Variants in NOCT observed in about 807,000 individuals in gnomAD.
NOCT encodes CCR4 carbon catabolite repression 4-like.
Under a neutral mutation model 35.0 loss-of-function variants are expected in NOCT, and 18 were observed. That is an observed-to-expected ratio of 0.51 (90% CI 0.36 to 0.76). The LOEUF is 0.76. Among genes scored for constraint, NOCT ranks in the 30% least tolerant of loss-of-function variants. NOCT has a pLI of 0.01. For synonymous variants in NOCT, 235 were observed against 226.3 expected (o/e 1.04, Z -0.34); for missense variants, 479 against 541.0 (o/e 0.89, Z 1.14).
intron 1 of NOCT, among the ~76,000 whole-genome samples, chr4:139,016,855 A>T (rs1434999797): frequency 6.6e-6 from 1 of 151,144 alleles, no homozygotes; most frequent in Non-Finnish European, 1.5e-5. Context: ...GGGTTTCACC[A>T]TTTTGGCCAG....
Position 139,015,872 on chromosome 4 carries a change from G to A in NOCT, c.-110G>A. The A allele has an allele frequency of 1.1e-6, 1 of 873,280 alleles. No homozygotes were observed. Among genetic ancestry groups the A allele is most frequent in the East Asian group, 3.8e-5 (1 of 26,208 alleles). The allele number at this position is 873,280 out of a possible 1,614,324, so 54.1% of individuals were successfully genotyped here. A position where few individuals can be genotyped will look rare whatever the true frequency, so the allele number is the denominator to read the frequency against. ...CCTGCGCCGCGCGAGAAGGAGCCTG[G>A]GAGCATCCGCCCACACTGCCCGGAC... On this transcript the variant is annotated 5_prime_UTR_variant, in exon 1 of 3. Coordinates refer to ENST00000280614, the MANE Select transcript of NOCT (RefSeq NM_012118.4).
rs375776058 is a variant in NOCT at position 139,045,062 on chromosome 4, G to T, written c.884G>T (p.Arg295Leu). Residue 295 changes from arginine (R) to leucine (L), a missense_variant, in exon 3 of 3, where the codon CGG (arginine) becomes CTG (leucine). This residue lies in a region of NOCT where 214 missense variants were observed against 284.0 expected (regional missense o/e 0.75). Coordinates refer to ENST00000280614, the MANE Select transcript of NOCT (RefSeq NM_012118.4). ...CTAAAAGCACGCACTGGCTGGGAGC[G>T]GTTTCGATCAGCTCAAGGCTGTGAC... Reference protein sequence around the residue: ...THLKARTGWERFRSAQGCDLL... With the variant: ...THLKARTGWELFRSAQGCDLL... 7 of 1,614,192 alleles carry T rather than the reference G, an allele frequency of 4.3e-6. No homozygotes were observed. Among genetic ancestry groups the T allele is most frequent in the Non-Finnish European group, 5.9e-6 (7 of 1,180,038 alleles).
intron 1 of NOCT, among the ~76,000 whole-genome samples, chr4:139,029,609 A>G (rs1726589223): frequency 6.6e-6 from 1 of 152,144 alleles, no homozygotes; most frequent in Non-Finnish European, 1.5e-5. Flanking sequence ...CACTTAGTTT[A>G]TTTTTATTTT....
chr4:139,025,472 A>T (rs1726495900), intron 1 of NOCT, among the ~76,000 whole-genome samples: 1 of 152,250 alleles, frequency 6.6e-6, no homozygotes, highest in South Asian at 2.1e-4. Flanking sequence ...CATTGATGTC[A>T]TGCATCCCTT....
At chr4:139,024,819 G>C (rs2148643067) in intron 1 of NOCT, among the ~76,000 whole-genome samples, 1 of 152,292 alleles carries the variant, frequency 6.6e-6, no homozygotes, top group African/African-American at 2.4e-5. Context: ...GGCCAGGCTG[G>C]TCCCAAACTG....
intron 1 of NOCT, among the ~76,000 whole-genome samples, chr4:139,027,944 A>T (rs992327262): frequency 6.6e-6 from 1 of 152,254 alleles, no homozygotes; most frequent in East Asian, 1.9e-4. Context: ...GGATGCTGCC[A>T]GAGTTAGCTC....
At chr4:139,019,758 A>G (rs1347836772) in intron 1 of NOCT, among the ~76,000 whole-genome samples, 2 of 152,262 alleles carry the variant, frequency 1.3e-5, no homozygotes, top group East Asian at 3.9e-4. Context: ...TTCTTTTCTC[A>G]AGGATAGCAG....
chr4:139,038,410 G>A (rs1054236700), intron 1 of NOCT, among the ~76,000 whole-genome samples: 1 of 151,900 alleles, frequency 6.6e-6, no homozygotes, highest in African/African-American at 2.4e-5. Flanking sequence ...GGCCAAATAA[G>A]GTAGATGACC....
At chr4:139,043,545 AAAG>A in intron 2 of NOCT, 2 of 557,070 alleles carry the variant, frequency 3.6e-6, no homozygotes, top group Non-Finnish European at 6.4e-6. Context: ...TAGAAAGAAA[AAAG>A]ACACTTTAAT....
chr4:139,025,351 T>G (rs901313219), intron 1 of NOCT, among the ~76,000 whole-genome samples: 1 of 152,176 alleles, frequency 6.6e-6, no homozygotes, highest in African/African-American at 2.4e-5. Flanking sequence ...TTCAAGGTGC[T>G]CTTGGGAAAA....
At chr4:139,024,969 C>T (rs897498699) in intron 1 of NOCT, among the ~76,000 whole-genome samples, 1 of 152,130 alleles carries the variant, frequency 6.6e-6, no homozygotes, top group Non-Finnish European at 1.5e-5. Flanking sequence ...TTGTTGAATG[C>T]GTGAGAGGGA....
chr4:139,023,258 C>T (rs1299006531), intron 1 of NOCT, among the ~76,000 whole-genome samples: 1 of 151,760 alleles, frequency 6.6e-6, no homozygotes, highest in Admixed American at 6.6e-5. Flanking sequence ...ACTTAAACAG[C>T]TCTGTTTGCC....
chr4:139,022,251 C>T (rs767003973), intron 1 of NOCT, among the ~76,000 whole-genome samples: 6 of 152,136 alleles, frequency 3.9e-5, no homozygotes, highest in Non-Finnish European at 7.4e-5. Flanking sequence ...AGCCTTCCCA[C>T]GGAGGGAGTG....
intron 1 of NOCT, among the ~76,000 whole-genome samples, chr4:139,033,858 A>G (rs1407119324): frequency 1.3e-5 from 2 of 151,870 alleles, no homozygotes; most frequent in Non-Finnish European, 2.9e-5. Context: ...CCCTAGCCAC[A>G]GGCACATGCC....
chr4:139,020,992 A>G (rs530150939), intron 1 of NOCT, among the ~76,000 whole-genome samples: 3 of 149,836 alleles, frequency 2.0e-5, no homozygotes, highest in African/African-American at 7.4e-5. Context: ...ACTTGAACCC[A>G]GGAGGCGGAG....
chr4:139,023,985 T>A (rs1010556947), intron 1 of NOCT, among the ~76,000 whole-genome samples: 10 of 152,116 alleles, frequency 6.6e-5, no homozygotes, highest in South Asian at 2.1e-4. Context: ...CTTGTTCTCA[T>A]GTTCTTGAAC....
Position 139,043,139 on chromosome 4 carries a change from G to A in NOCT, c.256G>A (p.Ala86Thr), listed in dbSNP as rs369749988. 17 of 1,613,864 alleles carry A rather than the reference G, an allele frequency of 1.1e-5. No homozygotes were observed. Among genetic ancestry groups the A allele is most frequent in the Admixed American group, 8.3e-5 (5 of 59,984 alleles). Residue 86 changes from alanine to threonine, a missense_variant, in exon 2 of 3, where the codon GCT becomes ACT. Around this residue, in one of 2 missense-constraint regions of NOCT, gnomAD observed 265 missense variants for 257.0 expected, o/e 1.03. Coordinates refer to ENST00000280614, the MANE Select transcript of NOCT (RefSeq NM_012118.4). The part of the protein sequence containing the change: ...SALAKTLNSS[A>T]ASQHPEYLVS... Reference sequence around the variant, plus strand: ...TCTCGCCAAGACACTGAACAGCAGCGCTGCCTCCCAGCACCCAGAGTATTT... The same window carrying A: ...TCTCGCCAAGACACTGAACAGCAGCACTGCCTCCCAGCACCCAGAGTATTT...
At chr4:139,017,563 G>A (rs988642169) in intron 1 of NOCT, among the ~76,000 whole-genome samples, 1 of 149,326 alleles carries the variant, frequency 6.7e-6, no homozygotes, top group Non-Finnish European at 1.5e-5. Context: ...GGGCGCGGTG[G>A]CTCACGCCTG....
chr4:139,032,651 CA>C (rs1393234196), intron 1 of NOCT, among the ~76,000 whole-genome samples: 4 of 152,146 alleles, frequency 2.6e-5, no homozygotes, highest in African/African-American at 9.7e-5. Flanking sequence ...TAGAGTTCAG[CA>C]GAGGTTTTGT....
Sources: gnomAD v4.1 joint callset for allele counts (sites outside exome capture counted in the v4.1 genomes callset) on GRCh38, gnomAD v4.1.1 for gene constraint, gnomAD v4.1.1 regional missense constraint, MANE v1.5 for transcripts, NCBI Gene and HGNC (gene_info 2026-07-23, HGNC 2026-07-21) for gene names.